CHD7: variants seen among roughly 807,000 people sequenced by gnomAD.
CHD7 encodes chromodomain helicase DNA binding protein 7.
CHD7 carries 24 observed loss-of-function variants against 307.3 expected under a neutral mutation model. The ratio of observed to expected loss-of-function variants is 0.08; its 90% CI spans 0.06 to 0.11. The LOEUF (loss-of-function observed/expected upper bound fraction) is 0.11. Among genes scored for constraint, CHD7 ranks in the 10% least tolerant of loss-of-function variants. CHD7 has a pLI of 1.00. For missense variants in CHD7, 3,106 were observed against 3,727.1 expected (o/e 0.83, Z 4.34); for synonymous variants, 1,363 against 1,349.9 (o/e 1.01, Z -0.21).
chr8:60,737,238 A>G (rs893046726), intron 1 of CHD7, among the ~76,000 whole-genome samples: 2 of 152,176 alleles, frequency 1.3e-5, no homozygotes, highest in African/African-American at 4.8e-5. Context: ...AGTTATATAT[A>G]GTATGATTTA....
intron 8 of CHD7, among the ~76,000 whole-genome samples, chr8:60,817,454 T>C (rs1471512948): frequency 5.3e-5 from 8 of 152,232 alleles, no homozygotes; most frequent in Non-Finnish European, 1.5e-5. Context: ...TGTGTTCTTC[T>C]GGGATCTGAT....
At chr8:60,739,424 A>G (rs1219798472) in intron 1 of CHD7, among the ~76,000 whole-genome samples, 1 of 152,188 alleles carries the variant, frequency 6.6e-6, no homozygotes, top group Admixed American at 6.5e-5. Flanking sequence ...ATTTGTTGCA[A>G]CTGGCACTGG....
Position 60,801,584 on chromosome 8 carries a change from A to G in CHD7, c.2433A>G (p.Val811=). 1 of 1,572,414 alleles carries G rather than the reference A, an allele frequency of 6.4e-7. No individual in the cohort carries two copies. The highest frequency in any genetic ancestry group is 2.3e-5 in the East Asian group (1 of 43,144). Residue 811 remains valine, a synonymous_variant, in exon 6 of 38, where the codon GTA becomes GTG. Transcript: ENST00000423902. ...VVEKIMSSRS[V]KKQKESGEEV... ...AAAAAATTATGAGCAGTCGTTCAGTAAAAAAGCAGGTGAGTGCCATTGGAG... is the reference window on the plus strand; with the variant it reads ...AAAAAATTATGAGCAGTCGTTCAGTGAAAAAGCAGGTGAGTGCCATTGGAG...
intron 2 of CHD7, among the ~76,000 whole-genome samples, chr8:60,767,223 T>C (rs936419955): frequency 3.3e-5 from 5 of 151,722 alleles, no homozygotes; most frequent in Non-Finnish European, 5.9e-5. Flanking sequence ...GGAGAGGAAG[T>C]GAAAACAGCA....
At position 60,853,219 on chromosome 8, in the gene CHD7, A is replaced by G. The variant is rs775949500; in HGVS notation, c.6494A>G (p.Glu2165Gly). The G allele has an allele frequency of 2.3e-5, 37 of 1,613,772 alleles. 1 individual carries two copies. The East Asian group carries it at 8.2e-4, about 36-fold the overall frequency. ...ATCTCATCTGCTCATATTCAAGATGAGAGGGTACTGGAACAAGCCGAAGGC... is the reference window on the plus strand; with the variant it reads ...ATCTCATCTGCTCATATTCAAGATGGGAGGGTACTGGAACAAGCCGAAGGC... ...PVISSAHIQD[E>G]RVLEQAEGKV... The change falls in exon 31 of 38, where the codon GAG becomes GGG. Residue 2165 changes from glutamate (E) to glycine (G), a missense_variant. By Grantham distance (98) the Glu-to-Gly change is moderately conservative. Around this residue, in one of 10 missense-constraint regions of CHD7, gnomAD observed 1,030 missense variants for 1,165.4 expected, o/e 0.88. Coordinates refer to ENST00000423902, the MANE Select transcript of CHD7 (RefSeq NM_017780.4).
chr8:60,689,776 C>T (rs779179416), intron 1 of CHD7, among the ~76,000 whole-genome samples: 1 of 152,232 alleles, frequency 6.6e-6, no homozygotes, highest in African/African-American at 2.4e-5. Flanking sequence ...GACACATGCT[C>T]ATTACAAGAC....
chr8:60,850,168 T>C (rs2150803860), intron 25 of CHD7, among the ~76,000 whole-genome samples: 1 of 152,304 alleles, frequency 6.6e-6, no homozygotes, highest in South Asian at 2.1e-4. Flanking sequence ...TTGCGAATCC[T>C]TCTAAATGTC....
intron 3 of CHD7, among the ~76,000 whole-genome samples, chr8:60,791,842 C>T (rs1811787494): frequency 2.0e-5 from 3 of 152,136 alleles, no homozygotes; most frequent in Admixed American, 6.6e-5. Flanking sequence ...TTAGGAATGT[C>T]GATGAAGGCT....
chr8:60,826,248 C>T (rs974196330), intron 13 of CHD7, among the ~76,000 whole-genome samples: 1 of 152,208 alleles, frequency 6.6e-6, no homozygotes, highest in Non-Finnish European at 1.5e-5. Flanking sequence ...AACCTGTACT[C>T]ATCCTTGACT....
rs1411072403 is a variant in CHD7 at position 60,822,075 on chromosome 8, A to G, written c.2887A>G (p.Lys963Glu). ...GAAATCGGAGAGTTCCAGGGAGTAT[A>G]AAAACAATAACAAACTCAGGGAATA... ...WKKSESSREY[K>E]NNNKLREYQL... The change falls in exon 11 of 38, where the codon AAA (lysine) becomes GAA (glutamate). Residue 963 changes from lysine (K) to glutamate (E), a missense_variant. Lys to Glu is a moderately conservative substitution (Grantham distance 56, BLOSUM62 1). This residue lies in a region of CHD7 where 188 missense variants were observed against 261.7 expected (regional missense o/e 0.72). Coordinates refer to ENST00000423902, the MANE Select transcript of CHD7 (RefSeq NM_017780.4). The G allele has an allele frequency of 1.2e-6, 2 of 1,613,794 alleles. No individual in the cohort carries two copies. Among genetic ancestry groups the G allele is most frequent in the Non-Finnish European group, 1.7e-6 (2 of 1,179,800 alleles).
chr8:60,778,573 G>C (rs952705580), intron 2 of CHD7, among the ~76,000 whole-genome samples: 3 of 152,116 alleles, frequency 2.0e-5, no homozygotes, highest in Non-Finnish European at 4.4e-5. Context: ...TCTGTTACTG[G>C]AGCAAATGCC....
chr8:60,704,331 A>G (rs1293561060), intron 1 of CHD7, among the ~76,000 whole-genome samples: 2 of 151,964 alleles, frequency 1.3e-5, no homozygotes, highest in African/African-American at 4.8e-5. Flanking sequence ...GACCACACAA[A>G]CCTGTGTAAG....
chr8:60,743,559 G>A (rs545037441), intron 2 of CHD7, among the ~76,000 whole-genome samples: 1 of 152,186 alleles, frequency 6.6e-6, no homozygotes, highest in Non-Finnish European at 1.5e-5. Context: ...GCTGCAAATC[G>A]TATACTTCTG....
At chr8:60,772,566 G>A (rs7842498) in intron 2 of CHD7, among the ~76,000 whole-genome samples, 115,299 of 152,070 alleles carry the variant, frequency 0.76, 44,152 homozygotes, top group East Asian at 0.94. Context: ...AGGTGTGGGT[G>A]TCCACTGCCA....
At chr8:60,776,644 G>A (rs919633097) in intron 2 of CHD7, among the ~76,000 whole-genome samples, 1 of 152,118 alleles carries the variant, frequency 6.6e-6, no homozygotes, top group Non-Finnish European at 1.5e-5. Flanking sequence ...AATATTTGTT[G>A]AATAAATATA....
At chr8:60,836,009 G>C in intron 15 of CHD7, 64 bp from the exon 16 acceptor site, 1 of 1,228,720 alleles carries the variant, frequency 8.1e-7, no homozygotes, top group African/African-American at 1.5e-5. Context: ...TTGAAAGCAA[G>C]TGCATTGTTT....
At chr8:60,738,433 C>T (rs1474279801) in intron 1 of CHD7, among the ~76,000 whole-genome samples, 2 of 152,106 alleles carry the variant, frequency 1.3e-5, no homozygotes, top group African/African-American at 2.4e-5. Flanking sequence ...GCCCATTGAA[C>T]AGTGTTCATC....
At chr8:60,840,993 C>G (rs775959753) in intron 19 of CHD7, among the ~76,000 whole-genome samples, 27 of 152,348 alleles carry the variant, frequency 1.8e-4, no homozygotes, top group Non-Finnish European at 3.1e-4. Context: ...GTGGCTTCTT[C>G]TGCTGTGTTC....
At chr8:60,851,348 G>A (rs754767063) in intron 28 of CHD7, 29 bp downstream of exon 28, 5 of 1,518,168 alleles carry the variant, frequency 3.3e-6, no homozygotes, top group South Asian at 1.2e-5. Context: ...TTGTGTAGCC[G>A]AGCAGACGTG....
Sources: gnomAD v4.1 joint callset for allele counts (sites outside exome capture counted in the v4.1 genomes callset) on GRCh38, gnomAD v4.1.1 for gene constraint, gnomAD v4.1.1 regional missense constraint, MANE v1.5 for transcripts, NCBI Gene and HGNC (gene_info 2026-07-23, HGNC 2026-07-21) for gene names.